Variants in CDH23 observed in about 807,000 individuals in gnomAD.
The protein encoded by CDH23 is cadherin related 23.
In CDH23, 189 loss-of-function variants were observed where a neutral mutation model predicts 317.1. The ratio of observed to expected loss-of-function variants is 0.60; its 90% CI spans 0.53 to 0.67. The LOEUF is 0.67. Among genes scored for constraint, CDH23 ranks in the 30% least tolerant of loss-of-function variants. The pLI is 0.00. For missense variants in CDH23, 4,401 were observed against 4,592.4 expected, an observed-to-expected ratio of 0.96 and a Z score of 1.20; for synonymous variants, 1,839 against 1,876.8, an observed-to-expected ratio of 0.98 and a Z score of 0.52.
At chr10:71,609,730 C>G (rs1200786266) in intron 9 of CDH23, among the ~76,000 whole-genome samples, 2 of 152,214 alleles carry the variant, frequency 1.3e-5, no homozygotes, top group East Asian at 3.8e-4. Context: ...CCATAAACAG[C>G]AGCCTCGCCT....
Position 71,732,327 on chromosome 10 carries a change from C to A in CDH23, c.4056C>A (p.Ala1352=). 1 of 1,592,976 alleles carries A rather than the reference C, an allele frequency of 6.3e-7. No homozygotes were observed. Among genetic ancestry groups the A allele is most frequent in the Non-Finnish European group, 8.6e-7 (1 of 1,169,528 alleles). Residue 1352 remains alanine (A), a synonymous_variant, in exon 32 of 70, where the codon GCC becomes GCA. Coordinates refer to ENST00000224721, the MANE Select transcript of CDH23 (RefSeq NM_022124.6). ...NLNQITYRFN[A]YTSTQAKALF... ...ACCAAATCACGTACCGCTTCAACGC[C>A]TACACCAGCACCCAGGCCAAAGCCC...
Position 71,815,223 on chromosome 10 carries a change from T to A in CDH23, c.10010T>A (p.Leu3337Gln). Residue 3337 changes from leucine to glutamine, a missense_variant, in exon 70 of 70, where the codon CTG (leucine) becomes CAG (glutamine). This residue lies in a region of CDH23 where 1,144 missense variants were observed against 1,138.2 expected (regional missense o/e 1.01). Transcript: ENST00000224721. ...ACAGAATCCGCCAAATCCACACCCC[T>A]GCACAAACTTCGCGACGTGATCATG... The part of the protein sequence containing the change: ...ARTESAKSTP[L>Q]HKLRDVIMET... The A allele has an allele frequency of 1.9e-6, 3 of 1,599,968 alleles. No homozygotes were observed. Among genetic ancestry groups the A allele is most frequent in the Non-Finnish European group, 2.6e-6 (3 of 1,169,590 alleles).
intron 6 of CDH23, among the ~76,000 whole-genome samples, chr10:71,539,023 G>A (rs1855851865): frequency 6.6e-6 from 1 of 152,238 alleles, no homozygotes. Flanking sequence ...CCTGTATCCA[G>A]GGAACCTGGG....
intron 3 of CDH23, among the ~76,000 whole-genome samples, chr10:71,474,668 C>A (rs1435443432): frequency 6.6e-6 from 1 of 152,190 alleles, no homozygotes; most frequent in Non-Finnish European, 1.5e-5. Context: ...TTGCCACGAT[C>A]GTTGCTTTTA....
chr10:71,435,913 T>C (rs1849596087), intron 1 of CDH23, among the ~76,000 whole-genome samples: 2 of 152,240 alleles, frequency 1.3e-5, no homozygotes, highest in African/African-American at 4.8e-5. Context: ...AGGTCAGGGC[T>C]TAGGAGTCTG....
At chr10:71,665,804 G>A (rs12252431) in intron 14 of CDH23, among the ~76,000 whole-genome samples, 26,802 of 152,160 alleles carry the variant, frequency 0.18, 2,413 homozygotes, top group South Asian at 0.2. Context: ...CTTTGCACCT[G>A]GCCACAAATC....
intron 9 of CDH23, among the ~76,000 whole-genome samples, chr10:71,579,051 A>G (rs1283385227): frequency 6.6e-6 from 1 of 152,186 alleles, no homozygotes; most frequent in African/African-American, 2.4e-5. Flanking sequence ...CAACAAGAGT[A>G]CCTACTTCAA....
In CDH23 at chr10:71,793,403, A is replaced by C; in HGVS notation, c.6475A>C (p.Ile2159Leu). Residue 2159 changes from isoleucine (I) to leucine (L), a missense_variant, in exon 48 of 70, where the codon ATT (isoleucine) becomes CTT (leucine). Transcript: ENST00000224721. ...RGTVPLSGTA[I>L]VTILIDDIND... Reference sequence around the variant, plus strand: ...CACCGTTCCTCTCTCGGGCACAGCCATTGTCACCATTCTGATCGATGACAT... The same window carrying C: ...CACCGTTCCTCTCTCGGGCACAGCCCTTGTCACCATTCTGATCGATGACAT... 1.9e-6 allele frequency: 3 copies of C among 1,614,012 alleles called. No homozygotes were observed. Among genetic ancestry groups the C allele is most frequent in the Non-Finnish European group, 2.5e-6 (3 of 1,179,880 alleles).
At chr10:71,676,469 A>T (rs113440415) in intron 15 of CDH23, among the ~76,000 whole-genome samples, 4,994 of 151,458 alleles carry the variant, frequency 0.033, 130 homozygotes, top group East Asian at 0.089. Context: ...TCTACTAAAA[A>T]TACAAAAATT....
In CDH23 at chr10:71,760,149, GTGTA is replaced by G. The variant is rs200601061; in HGVS notation, c.4846-17529_4846-17526del. The stretch of plus-strand genomic sequence containing the variant: ...TATATATGTATATACATATATATGT[GTGTA>G]TATATATGTATATACATATATATGT... On this transcript the variant is annotated intron_variant, in intron 38 of 69. Transcript: ENST00000224721. Among the ~76,000 whole-genome samples the G allele has an allele frequency of 5.3e-4, 5 of 9,378 alleles. 1 individual carries two copies. The highest frequency in any genetic ancestry group is 1.0e-3 in the Non-Finnish European group (4 of 3,832). The allele number at this position is 9,378 out of a possible 152,430, so 6.2% of individuals were successfully genotyped here. A position where few individuals can be genotyped will look rare whatever the true frequency, so the allele number is the denominator to read the frequency against.
chr10:71,723,970 A>G, intron 28 of CDH23, 75 bp from the exon 29 acceptor site: 1 of 1,510,122 alleles, frequency 6.6e-7, no homozygotes, highest in Non-Finnish European at 9.0e-7. Context: ...GAAGGGAAGG[A>G]AAGGAACTCT....
At chr10:71,671,061 G>T (rs1376828405) in intron 14 of CDH23, among the ~76,000 whole-genome samples, 1 of 150,660 alleles carries the variant, frequency 6.6e-6, no homozygotes, top group Admixed American at 6.7e-5. Flanking sequence ...CCAGGTTCAA[G>T]CAATTCTCCT....
intron 3 of CDH23, among the ~76,000 whole-genome samples, chr10:71,494,978 A>G (rs1852877809): frequency 6.6e-6 from 1 of 152,188 alleles, no homozygotes; most frequent in South Asian, 2.1e-4. Flanking sequence ...AGCCCAGTGA[A>G]AAGCCTGAAG....
rs541836878 is a variant in CDH23, at chr10:71,618,602, G to A, written c.1134+1209G>A. 5.9e-5 allele frequency among the ~76,000 whole-genome samples: 9 copies of A among 152,316 alleles called. No individual in the cohort carries two copies. The South Asian group carries it at 1.7e-3, about 28-fold the overall frequency. On this transcript the variant is annotated intron_variant, in intron 11 of 69. Coordinates refer to ENST00000224721, the MANE Select transcript of CDH23 (RefSeq NM_022124.6). ...GCTTCTCTTCGATTACTCCTTGCGT[G>A]GGGCTGCCGCGGTGGCCTTGCTCCA...
intron 45 of CDH23, among the ~76,000 whole-genome samples, 187 bp from the exon 46 acceptor site, chr10:71,790,100 TC>T (rs1206736090): frequency 6.6e-6 from 1 of 152,128 alleles, no homozygotes; most frequent in African/African-American, 2.4e-5. Context: ...TTGAGGCCGC[TC>T]CCCAGGCATC....
intron 4 of CDH23, 144 bp from the exon 5 acceptor site, chr10:71,510,810 G>T (rs1853926227): frequency 8.3e-6 from 6 of 724,756 alleles, no homozygotes; most frequent in Non-Finnish European, 1.2e-5. Context: ...GGGCAATGCT[G>T]GTATTTTAGG....
At position 71,617,466 on chromosome 10, in the gene CDH23, G is replaced by T. The variant is rs760748095; in HGVS notation, c.1134+73G>T. On this transcript the variant is annotated intron_variant, in intron 11 of 69. Coordinates refer to ENST00000224721, the MANE Select transcript of CDH23 (RefSeq NM_022124.6). Reference sequence around the variant, plus strand: ...CCCACCACCCTGCCTGGGCTGTTCAGGTCCTCAGCTATAAAATAGAAACAA... The same window carrying T: ...CCCACCACCCTGCCTGGGCTGTTCATGTCCTCAGCTATAAAATAGAAACAA... 6.4e-6 allele frequency: 10 copies of T among 1,558,712 alleles called. No individual in the cohort carries two copies. In the South Asian group the frequency reaches 1.0e-4, roughly 16 times the overall value.
intron 26 of CDH23, 44 bp downstream of exon 26, chr10:71,707,093 C>A (rs372602946): frequency 7.1e-5 from 111 of 1,573,374 alleles, no homozygotes; most frequent in Non-Finnish European, 9.3e-5. Flanking sequence ...CTCCTGGGGC[C>A]CTGCCTCCAC....
chr10:71,466,272 A>G (rs1369437172), intron 3 of CDH23, among the ~76,000 whole-genome samples: 1 of 152,106 alleles, frequency 6.6e-6, no homozygotes, highest in African/African-American at 2.4e-5. Context: ...GCCTCTGCCC[A>G]CATATGTGAA....
Sources: gnomAD v4.1 joint callset for allele counts (sites outside exome capture counted in the v4.1 genomes callset) on GRCh38, gnomAD v4.1.1 for gene constraint, gnomAD v4.1.1 regional missense constraint, MANE v1.5 for transcripts, NCBI Gene and HGNC (gene_info 2026-07-23, HGNC 2026-07-21) for gene names.